The following DPY19L4 variants were observed in gnomAD, a reference collection of about 807,000 sequenced individuals.
The protein encoded by DPY19L4 is dpy-19 like 4.
A neutral mutation model predicts 102.8 loss-of-function variants in DPY19L4; 97 were observed. The ratio of observed to expected loss-of-function variants is 0.94; its 90% CI spans 0.80 to 1.12. The LOEUF (loss-of-function observed/expected upper bound fraction) is 1.12, where lower values mean the gene tolerates loss of function less well. DPY19L4 is among the 50% of genes most tolerant of loss of function. The pLI is 0.00. For missense variants in DPY19L4, 815 were observed against 850.4 expected (o/e 0.96, Z 0.52); for synonymous variants, 252 against 283.1 (o/e 0.89, Z 1.10).
At chr8:94,780,768 AATTT>A (rs927740865) in intron 15 of DPY19L4, among the ~76,000 whole-genome samples, 9 of 152,106 alleles carry the variant, frequency 5.9e-5, no homozygotes, top group Non-Finnish European at 1.2e-4. Context: ...TGGACCTGAA[AATTT>A]ATTTATTTAT....
chr8:94,722,195 C>G (rs1236506364), intron 1 of DPY19L4, among the ~76,000 whole-genome samples: 1 of 152,026 alleles, frequency 6.6e-6, no homozygotes, highest in Non-Finnish European at 1.5e-5. Flanking sequence ...ATCACGAGGT[C>G]AGGAGTTCGA....
chr8:94,764,717 ATTTTTTTTTT>A (rs869220296), intron 8 of DPY19L4, among the ~76,000 whole-genome samples: 18 of 29,324 alleles, frequency 6.1e-4, no homozygotes, highest in South Asian at 2.3e-3. Context: ...ATATATATAT[ATTTTTTTTTT>A]TTTTTTTTTT....
intron 3 of DPY19L4, 55 bp downstream of exon 3, chr8:94,734,809 G>T: frequency 1.9e-6 from 3 of 1,608,064 alleles, no homozygotes; most frequent in Non-Finnish European, 1.7e-6. Context: ...GAACCAGAAT[G>T]TATGTATGAT....
intron 6 of DPY19L4, among the ~76,000 whole-genome samples, chr8:94,746,797 A>G (rs1415399042): frequency 6.6e-6 from 1 of 152,226 alleles, no homozygotes; most frequent in East Asian, 1.9e-4. Context: ...TGTAAAAGTG[A>G]TATTTTACCG....
rs1813870023 is a variant in DPY19L4 at position 94,791,137 on chromosome 8, G to T, written c.*1227G>T. On this transcript the variant is annotated 3_prime_UTR_variant, in exon 19 of 19. Coordinates refer to ENST00000414645, the MANE Select transcript of DPY19L4 (RefSeq NM_181787.3). ...TAGTTTTTCCTTATATTCCTGTTCA[G>T]TGAACAGATTTTCATAATTCTCACT... 1 of 152,102 alleles carries T rather than the reference G, an allele frequency of 6.6e-6. No individual in the cohort carries two copies. Among genetic ancestry groups the T allele is most frequent in the Non-Finnish European group, 1.5e-5 (1 of 67,962 alleles). The allele number at this position is 152,102 out of a possible 1,614,324, so 9.4% of individuals were successfully genotyped here.
chr8:94,744,435 A>G, intron 6 of DPY19L4: 1 of 456,726 alleles, frequency 2.2e-6, no homozygotes, highest in South Asian at 1.5e-5. Context: ...GGTATCTGTT[A>G]TAACCTCATC....
In DPY19L4 at chr8:94,726,450, G is replaced by A; in HGVS notation, c.127+9G>A. ...TGAAAGAGCTCCAAAACGTAAGTTA[G>A]ATAGACTTGGAATTTGTGCTACTAC... On this transcript the variant is annotated intron_variant, in intron 2 of 18. Coordinates refer to ENST00000414645, the MANE Select transcript of DPY19L4 (RefSeq NM_181787.3). 1 of 1,590,574 alleles carries A rather than the reference G, an allele frequency of 6.3e-7. No individual in the cohort carries two copies. The highest frequency in any genetic ancestry group is 1.7e-4 in the Middle Eastern group (1 of 5,928).
At position 94,775,907 on chromosome 8, in the gene DPY19L4, G is replaced by A. The variant is rs564753231; in HGVS notation, c.1455-1759G>A. Reference sequence around the variant, plus strand: ...CAGTTAGCATCTCCTACGGAGATGGGCTCCTTTTGTTTTCTTTAAAATCTA... The same window carrying A: ...CAGTTAGCATCTCCTACGGAGATGGACTCCTTTTGTTTTCTTTAAAATCTA... On this transcript the variant is annotated intron_variant, in intron 13 of 18. Transcript: ENST00000414645. Among the ~76,000 whole-genome samples, 676 of 151,568 alleles carry A rather than the reference G, an allele frequency of 4.5e-3. 3 individuals carry two copies. Among genetic ancestry groups the A allele is most frequent in the African/African-American group, 0.016 (648 of 41,366 alleles).
At chr8:94,728,214 G>A (rs916709527) in intron 2 of DPY19L4, among the ~76,000 whole-genome samples, 1 of 152,220 alleles carries the variant, frequency 6.6e-6, no homozygotes, top group African/African-American at 2.4e-5. Flanking sequence ...CTGCAAGCAG[G>A]CCTTTCTCAG....
intron 8 of DPY19L4, among the ~76,000 whole-genome samples, chr8:94,764,849 CT>C (rs1812597613): frequency 6.7e-6 from 1 of 148,248 alleles, no homozygotes; most frequent in African/African-American, 2.5e-5. Flanking sequence ...ATGCCTCAGC[CT>C]CCCGAGTGGC....
intron 8 of DPY19L4, among the ~76,000 whole-genome samples, chr8:94,762,285 T>TTCTCGATCACA (rs1554593654): frequency 1.3e-5 from 2 of 151,828 alleles, no homozygotes; most frequent in African/African-American, 4.8e-5. Context: ...ATGAAGCTGG[T>TTCTCGATCACA]TCTTGAAGTG....
intron 15 of DPY19L4, among the ~76,000 whole-genome samples, chr8:94,780,622 G>T (rs1376502414): frequency 6.6e-6 from 1 of 152,026 alleles, no homozygotes; most frequent in Non-Finnish European, 1.5e-5. Flanking sequence ...GCCATTTTCT[G>T]CAGTCTAATG....
intron 1 of DPY19L4, among the ~76,000 whole-genome samples, chr8:94,724,528 A>G (rs931447984): frequency 1.3e-5 from 2 of 152,244 alleles, no homozygotes; most frequent in African/African-American, 2.4e-5. Flanking sequence ...AGATTTATAT[A>G]CAGAAATACT....
At chr8:94,738,677 C>T (rs1811303018) in intron 4 of DPY19L4, among the ~76,000 whole-genome samples, 1 of 151,848 alleles carries the variant, frequency 6.6e-6, no homozygotes, top group African/African-American at 2.4e-5. Context: ...CCATGCCCGG[C>T]TAATTTTTGT....
chr8:94,787,982 C>A lies in DPY19L4; in HGVS notation c.1937C>A (p.Ala646Asp). Residue 646 changes from alanine (A) to aspartate (D), a missense_variant, in exon 18 of 19, where the codon GCT becomes GAT. Physicochemically the swap from Ala to Asp is moderately radical, Grantham distance 126. Coordinates refer to ENST00000414645, the MANE Select transcript of DPY19L4 (RefSeq NM_181787.3). ...GCTAATTACCTAATTGTAGAGGATGCTATCTGCAATGAGGTGGGACCCATG... is the reference window on the plus strand; with the variant it reads ...GCTAATTACCTAATTGTAGAGGATGATATCTGCAATGAGGTGGGACCCATG... ...YKANYLIVEDAICNEVGPMRG... is the reference protein window; with the variant it reads ...YKANYLIVEDDICNEVGPMRG... 6.6e-7 allele frequency: 1 copy of A among 1,521,394 alleles called. No individual in the cohort carries two copies. The allele number at this position is 1,521,394 out of a possible 1,614,324, so 94.2% of individuals were successfully genotyped here.
At chr8:94,783,080 A>G (rs1813503340) in intron 16 of DPY19L4, among the ~76,000 whole-genome samples, 1 of 149,950 alleles carries the variant, frequency 6.7e-6, no homozygotes, top group Non-Finnish European at 1.5e-5. Flanking sequence ...TAGACAGTGA[A>G]TAAATAAGTG....
chr8:94,721,110 T>G (rs1318447325), intron 1 of DPY19L4, among the ~76,000 whole-genome samples: 3 of 152,042 alleles, frequency 2.0e-5, no homozygotes, highest in Admixed American at 6.6e-5. Context: ...TCACGCCCGG[T>G]TAATGTTATA....
chr8:94,732,227 A>C (rs923573278), intron 2 of DPY19L4, among the ~76,000 whole-genome samples: 1 of 151,860 alleles, frequency 6.6e-6, no homozygotes, highest in Non-Finnish European at 1.5e-5. Context: ...AGTTTAGCTA[A>C]AAAAAAATCA....
In DPY19L4 at chr8:94,734,904, C is replaced by T. The variant is rs1586322218; in HGVS notation, c.252+150C>T. The stretch of plus-strand genomic sequence containing the variant: ...TTTGAGAATATAGTTACAGTATCAA[C>T]CTTAAAATACTAATAGTGTATTTCA... On this transcript the variant is annotated intron_variant, in intron 3 of 18. Transcript: ENST00000414645. 1.4e-5 allele frequency: 15 copies of T among 1,039,502 alleles called. No individual in the cohort carries two copies. In the South Asian group the frequency reaches 2.4e-4, roughly 17 times the overall value. 64.4% of individuals were successfully genotyped at this position (1,039,502 alleles called of 1,614,324 possible). A position where few individuals can be genotyped will look rare whatever the true frequency, so the allele number is the denominator to read the frequency against.
Sources: gnomAD v4.1 joint callset for allele counts (sites outside exome capture counted in the v4.1 genomes callset) on GRCh38, gnomAD v4.1.1 for gene constraint, MANE v1.5 for transcripts, NCBI Gene and HGNC (gene_info 2026-07-23, HGNC 2026-07-21) for gene names.